TIAM1: variants seen among roughly 807,000 people sequenced by gnomAD.
The protein encoded by TIAM1 is TIAM Rac1 associated GEF 1, also known as rho guanine nucleotide exchange factor TIAM1.
A neutral mutation model predicts 163.5 loss-of-function variants in TIAM1; 65 were observed. The ratio of observed to expected loss-of-function variants is 0.40; its 90% CI spans 0.33 to 0.49. The LOEUF (loss-of-function observed/expected upper bound fraction) is 0.49, where lower values mean the gene tolerates loss of function less well. Ranked by LOEUF, TIAM1 falls within the 20% of genes least tolerant of loss-of-function variation. The probability of loss-of-function intolerance (pLI) is 0.77; values close to 1 mark genes in which losing one functional copy is unlikely to be tolerated. For missense variants in TIAM1, 1,789 were observed against 2,044.7 expected, an observed-to-expected ratio of 0.87 and a Z score of 2.41; for synonymous variants, 833 against 810.1, an observed-to-expected ratio of 1.03 and a Z score of -0.48.
At chr21:31,164,873 G>T in intron 16 of TIAM1, 89 bp downstream of exon 16, 3 of 1,346,260 alleles carry the variant, frequency 2.2e-6, no homozygotes, top group Non-Finnish European at 2.1e-6. Context: ...GGAGAGGCCT[G>T]GTAACCACAT....
Position 31,479,682 on chromosome 21 carries a change from G to A in TIAM1, c.-421-15647C>T, listed in dbSNP as rs190542195. Among the ~76,000 whole-genome samples, 162 of 152,154 alleles carry A rather than the reference G, an allele frequency of 1.1e-3. 1 individual carries two copies. Among genetic ancestry groups the A allele is most frequent in the Non-Finnish European group, 4.4e-4 (30 of 68,018 alleles). The stretch of plus-strand genomic sequence containing the variant: ...ACCTTGGGAGCCAATTTACTAACAC[G>A]CCACTGAAGGAAGTGAAAAAGGAAG... On this transcript the variant is annotated intron_variant, in intron 1 of 28. Coordinates refer to the TIAM1 transcript ENST00000286827.
intron 2 of TIAM1, among the ~76,000 whole-genome samples, chr21:31,285,925 T>C (rs845972): frequency 0.36 from 55,011 of 152,032 alleles, 10,018 homozygotes; most frequent in East Asian, 0.41. Context: ...TTCCAGATAA[T>C]GAGAAAGCTT....
At chr21:31,452,984 G>C (rs1246342275) in intron 2 of TIAM1, 1 of 500,928 alleles carries the variant, frequency 2.0e-6, no homozygotes, top group African/African-American at 2.0e-5. Context: ...AAAAGTTATG[G>C]AAGAAAAACA....
chr21:31,351,929 G>C (rs142790711), intron 2 of TIAM1, among the ~76,000 whole-genome samples: 4,768 of 152,080 alleles, frequency 0.031, 275 homozygotes, highest in African/African-American at 0.11. Context: ...TTAGCCGGGT[G>C]TGGTGGTGTG....
At chr21:31,168,562 T>G (rs951640939) in intron 15 of TIAM1, among the ~76,000 whole-genome samples, 1 of 152,088 alleles carries the variant, frequency 6.6e-6, no homozygotes, top group African/African-American at 2.4e-5. Context: ...CACCACGCCC[T>G]GCTAATTTTT....
intron 1 of TIAM1, among the ~76,000 whole-genome samples, chr21:31,551,819 T>C (rs2048697962): frequency 6.6e-6 from 1 of 152,154 alleles, no homozygotes; most frequent in South Asian, 2.1e-4. Flanking sequence ...TTGCCACTCA[T>C]TATAACAGGA....
At chr21:31,352,067 CAA>C (rs59844425) in intron 2 of TIAM1, among the ~76,000 whole-genome samples, 9 of 126,334 alleles carry the variant, frequency 7.1e-5, no homozygotes, top group Admixed American at 1.6e-4. Flanking sequence ...GAGTCTGTCT[CAA>C]AAAAAAAAAA....
intron 26 of TIAM1, among the ~76,000 whole-genome samples, chr21:31,125,318 TAAC>T (rs2082154622): frequency 1.3e-5 from 2 of 152,038 alleles, no homozygotes; most frequent in African/African-American, 4.8e-5. Flanking sequence ...TATTCCCTAT[TAAC>T]AATAAATACG....
intron 1 of TIAM1, among the ~76,000 whole-genome samples, chr21:31,529,327 G>A (rs1602498718): frequency 6.6e-6 from 1 of 152,192 alleles, no homozygotes; most frequent in East Asian, 1.9e-4. Context: ...ATTAGGTTGG[G>A]GAGAGAAAAT....
chr21:31,277,340 T>C (rs538969394), intron 2 of TIAM1, among the ~76,000 whole-genome samples: 1 of 152,182 alleles, frequency 6.6e-6, no homozygotes, highest in South Asian at 2.1e-4. Flanking sequence ...AATTACCTTA[T>C]ATGGTCTAGA....
At chr21:31,219,037 T>TA (rs1238421402) in intron 8 of TIAM1, among the ~76,000 whole-genome samples, 2 of 144,810 alleles carry the variant, frequency 1.4e-5, no homozygotes, top group Non-Finnish European at 3.0e-5. Context: ...TTTTTTTTTT[T>TA]TTTTTTTTTT....
chr21:31,185,517 T>C (rs2085251809), intron 14 of TIAM1, among the ~76,000 whole-genome samples: 1 of 143,056 alleles, frequency 7.0e-6, no homozygotes, highest in Non-Finnish European at 1.5e-5. Flanking sequence ...TTATATATAA[T>C]ATGCTAATAT....
At chr21:31,209,522 C>T (rs1177658034) in intron 11 of TIAM1, among the ~76,000 whole-genome samples, 4 of 152,192 alleles carry the variant, frequency 2.6e-5, no homozygotes, top group African/African-American at 9.6e-5. Flanking sequence ...CAATGGAGGT[C>T]AAACTTATAT....
At chr21:31,336,488 C>CTTTTTT (rs34052300) in intron 2 of TIAM1, among the ~76,000 whole-genome samples, 2 of 125,468 alleles carry the variant, frequency 1.6e-5, no homozygotes, top group Admixed American at 8.2e-5. Flanking sequence ...TTGCCCCTTG[C>CTTTTTT]TTTTTTTTTT....
chr21:31,380,179 C>T lies in TIAM1; in HGVS notation c.-368-40757G>A, dbSNP rs541402048. On this transcript the variant is annotated intron_variant, in intron 2 of 28. Coordinates refer to the TIAM1 transcript ENST00000286827. ...CTCGGGAGGCTGGGCATGAGAATCG[C>T]TTGAACCTGAGAGGTGGAGGTTGCA... is the stretch of plus-strand genomic sequence containing the variant. Among the ~76,000 whole-genome samples the T allele has an allele frequency of 5.9e-5, 9 of 152,138 alleles. No individual in the cohort carries two copies. In the East Asian group the frequency reaches 1.7e-3, roughly 29 times the overall value.
intron 2 of TIAM1, among the ~76,000 whole-genome samples, chr21:31,310,649 C>T (rs933015523): frequency 6.6e-6 from 1 of 152,164 alleles, no homozygotes; most frequent in Admixed American, 6.5e-5. Flanking sequence ...TCACTCGCTG[C>T]CTTTCAGACG....
chr21:31,490,538 A>G lies in TIAM1; in HGVS notation c.-421-26503T>C, dbSNP rs577223520. On this transcript the variant is annotated intron_variant, in intron 1 of 28. Coordinates refer to the TIAM1 transcript ENST00000286827. ...ACACTGATCATCCAAGTTCATTCTC[A>G]GGCCAGGACAGACTCAGGGAACCGC... Among the ~76,000 whole-genome samples the G allele has an allele frequency of 3.9e-5, 6 of 152,288 alleles. No individual in the cohort carries two copies. In the South Asian group the frequency reaches 1.2e-3, roughly 32 times the overall value.
intron 4 of TIAM1, among the ~76,000 whole-genome samples, chr21:31,254,980 C>T (rs775266189): frequency 2.6e-5 from 4 of 152,178 alleles, no homozygotes; most frequent in Non-Finnish European, 4.4e-5. Context: ...ACATCTGTCT[C>T]TATTTAAACT....
chr21:31,404,414 A>G (rs1378952842), intron 2 of TIAM1, among the ~76,000 whole-genome samples: 1 of 152,122 alleles, frequency 6.6e-6, no homozygotes, highest in African/African-American at 2.4e-5. Flanking sequence ...TACAACATTT[A>G]TTACAGTCTT....
Sources: gnomAD v4.1 joint callset for allele counts (sites outside exome capture counted in the v4.1 genomes callset) on GRCh38, gnomAD v4.1.1 for gene constraint, MANE v1.5 for transcripts, NCBI Gene and HGNC (gene_info 2026-07-23, HGNC 2026-07-21) for gene names.